Variants in STPG4 observed in about 807,000 individuals in gnomAD.
The protein encoded by STPG4 is sperm-tail PG-rich repeat containing 4.
Under a neutral mutation model 31.5 loss-of-function variants are expected in STPG4, and 41 were observed. That is an observed-to-expected ratio of 1.30 (90% CI 1.01 to 1.69). STPG4 has a LOEUF of 1.69. Among genes scored for constraint, STPG4 ranks in the 40% most tolerant of loss-of-function variants. The pLI, the probability that STPG4 is intolerant of heterozygous loss-of-function variation, is 0.00. For missense variants in STPG4, 375 were observed against 293.4 expected (o/e 1.28, Z -2.03); for synonymous variants, 141 against 103.0 (o/e 1.37, Z -2.24).
At chr2:47,094,863 T>C (rs1292115259) in intron 5 of STPG4, among the ~76,000 whole-genome samples, 1 of 152,220 alleles carries the variant, frequency 6.6e-6, no homozygotes, top group East Asian at 1.9e-4. Flanking sequence ...TGATGGGTCA[T>C]AATGCTGTAT....
Position 47,087,841 on chromosome 2 carries a change from C to G in STPG4, c.625-711G>C, listed in dbSNP as rs6726185. On this transcript the variant is annotated intron_variant, in intron 6 of 6. Transcript: ENST00000445927. The stretch of plus-strand genomic sequence containing the variant: ...TCGGCTCACTGCAATCTCTGCCTCC[C>G]GGGTTCAAGCGATTCTCCTGCCTCA... Among the ~76,000 whole-genome samples, 118 of 152,020 alleles carry G rather than the reference C, an allele frequency of 7.8e-4. 1 individual carries two copies. The highest frequency in any genetic ancestry group is 2.7e-3 in the African/African-American group (113 of 41,432).
At chr2:47,151,919 G>GTTTTTTTT (rs71245620) in intron 2 of STPG4, among the ~76,000 whole-genome samples, 1 of 74,802 alleles carries the variant, frequency 1.3e-5, no homozygotes, top group African/African-American at 3.0e-5. Context: ...TTTTTGTTTT[G>GTTTTTTTT]TTTTTTTTTT....
intron 3 of STPG4, among the ~76,000 whole-genome samples, chr2:47,133,784 T>G (rs992064997): frequency 2.6e-5 from 4 of 151,904 alleles, no homozygotes; most frequent in African/African-American, 9.7e-5. Context: ...TCCATGTTGG[T>G]CACGCTGGTC....
At chr2:47,122,554 C>A (rs1037212003) in intron 5 of STPG4, among the ~76,000 whole-genome samples, 1 of 151,998 alleles carries the variant, frequency 6.6e-6, no homozygotes, top group African/African-American at 2.4e-5. Flanking sequence ...TAATAAGTTA[C>A]CTAACATATC....
intron 1 of STPG4, 112 bp from the exon 2 acceptor site, chr2:47,153,128 G>T: frequency 1.6e-6 from 1 of 628,700 alleles, no homozygotes; most frequent in Non-Finnish European, 2.7e-6. Flanking sequence ...CAACTGATAT[G>T]TCTTCATTAA....
chr2:47,096,270 C>T (rs562349490), intron 5 of STPG4, among the ~76,000 whole-genome samples: 1 of 152,050 alleles, frequency 6.6e-6, no homozygotes, highest in Non-Finnish European at 1.5e-5. Context: ...ATGGAGAGCA[C>T]CTCAGAGAGT....
At chr2:47,107,176 G>C (rs902633326) in intron 5 of STPG4, among the ~76,000 whole-genome samples, 3 of 152,064 alleles carry the variant, frequency 2.0e-5, no homozygotes, top group Non-Finnish European at 2.9e-5. Context: ...TCCCACTTTG[G>C]CGGCACTTAA....
intron 3 of STPG4, among the ~76,000 whole-genome samples, chr2:47,146,613 A>G (rs1287551055): frequency 6.6e-6 from 1 of 151,900 alleles, no homozygotes; most frequent in African/African-American, 2.4e-5. Context: ...ATTCAAGAAA[A>G]CTATCTAGGT....
chr2:47,103,744 C>G (rs1310134946), intron 5 of STPG4, among the ~76,000 whole-genome samples: 1 of 151,960 alleles, frequency 6.6e-6, no homozygotes, highest in African/African-American at 2.4e-5. Flanking sequence ...GTCAGAAGCC[C>G]CTAACCAGAT....
Position 47,130,221 on chromosome 2 carries a change from C to G in STPG4, c.439G>C (p.Ala147Pro). ...LSPGQYNVLP[A>P]PVPKYASRSC... is the part of the protein sequence containing the mutation. ...CTGGAAGCATATTTGGGAACTGGTGCAGGAAGCACGTTGTATTGCCCCGGA... is the reference window on the plus strand; with the variant it reads ...CTGGAAGCATATTTGGGAACTGGTGGAGGAAGCACGTTGTATTGCCCCGGA... Residue 147 changes from alanine to proline, a missense_variant, in exon 4 of 7, where the codon GCA becomes CCA. Physicochemically the swap from Ala to Pro is conservative, Grantham distance 27. Transcript: ENST00000445927. 6.2e-7 allele frequency: 1 copy of G among 1,614,050 alleles called. No homozygotes were observed. Among genetic ancestry groups the G allele is most frequent in the African/African-American group, 1.3e-5 (1 of 75,056 alleles).
chr2:47,117,308 C>T (rs1686172228), intron 5 of STPG4, among the ~76,000 whole-genome samples: 1 of 152,188 alleles, frequency 6.6e-6, no homozygotes, highest in African/African-American at 2.4e-5. Flanking sequence ...CTTCTGGGTT[C>T]AAGTGATTCT....
intron 3 of STPG4, among the ~76,000 whole-genome samples, chr2:47,130,554 C>T (rs12998250): frequency 0.021 from 3,230 of 152,218 alleles, 41 homozygotes; most frequent in African/African-American, 0.031. Flanking sequence ...CTCGCTCTGT[C>T]GCCCAGGCTG....
intron 3 of STPG4, 90 bp from the exon 4 acceptor site, chr2:47,130,350 C>A: frequency 9.7e-7 from 1 of 1,028,424 alleles, no homozygotes; most frequent in Non-Finnish European, 1.5e-6. Flanking sequence ...ATTTTATGAC[C>A]ATACAACATT....
chr2:47,134,367 C>T (rs1341855771), intron 3 of STPG4, among the ~76,000 whole-genome samples: 1 of 152,210 alleles, frequency 6.6e-6, no homozygotes, highest in African/African-American at 2.4e-5. Context: ...TTATCCCTCC[C>T]TCCCCTCAAC....
At position 47,086,993 on chromosome 2, in the gene STPG4, G is replaced by C; in HGVS notation, c.*15C>G. The C allele has an allele frequency of 6.4e-7, 1 of 1,551,468 alleles. No individual in the cohort carries two copies. Among genetic ancestry groups the C allele is most frequent in the African/African-American group, 1.4e-5 (1 of 73,138 alleles). On this transcript the variant is annotated 3_prime_UTR_variant, in exon 7 of 7. Transcript: ENST00000445927. ...CGTACTAAACCTCAAAGTAGAGCTT[G>C]GTGCCAAGATCACTTTATTTTAAAA...
chr2:47,107,962 C>G (rs907392601), intron 5 of STPG4, among the ~76,000 whole-genome samples: 10 of 148,672 alleles, frequency 6.7e-5, no homozygotes, highest in African/African-American at 2.3e-4. Flanking sequence ...ATACACCAAT[C>G]GGCACTCTGT....
chr2:47,141,872 A>G (rs1686718704), intron 3 of STPG4, among the ~76,000 whole-genome samples: 1 of 149,268 alleles, frequency 6.7e-6, no homozygotes, highest in Non-Finnish European at 1.5e-5. Context: ...CACCTGGGGG[A>G]GGGCTGTACA....
At chr2:47,142,264 TC>T (rs1284268482) in intron 3 of STPG4, among the ~76,000 whole-genome samples, 1 of 43,668 alleles carries the variant, frequency 2.3e-5, no homozygotes, top group Non-Finnish European at 6.4e-5. Flanking sequence ...CCTGGCTACC[TC>T]TTTTTGACCA....
chr2:47,116,801 A>G (rs1328917164), intron 5 of STPG4, among the ~76,000 whole-genome samples: 1 of 152,212 alleles, frequency 6.6e-6, no homozygotes, highest in Non-Finnish European at 1.5e-5. Context: ...GTGAAAAGGC[A>G]AAATCCTCCA....
Sources: allele counts gnomAD v4.1 joint callset (sites outside exome capture counted in the v4.1 genomes callset), GRCh38; gene constraint gnomAD v4.1.1; transcripts MANE v1.5; gene names NCBI Gene and HGNC (gene_info 2026-07-23, HGNC 2026-07-21).